TRIQK: variants seen among roughly 807,000 people sequenced by gnomAD.
The protein encoded by TRIQK is triple QxxK/R motif-containing protein.
In TRIQK, 10 loss-of-function variants were observed where a neutral mutation model predicts 10.8. The ratio of observed to expected loss-of-function variants is 0.92; its 90% confidence interval spans 0.57 to 1.57. The LOEUF is 1.57. Among genes scored for constraint, TRIQK ranks in the 40% most tolerant of loss-of-function variants. TRIQK has a pLI of 0.00. For missense variants in TRIQK, 107 were observed against 97.7 expected (o/e 1.09, Z -0.40); for synonymous variants, 33 against 33.7 (o/e 0.98, Z 0.07).
chr8:92,994,363 T>A (rs954943411), intron 1 of TRIQK, among the ~76,000 whole-genome samples: 1 of 151,866 alleles, frequency 6.6e-6, no homozygotes, highest in African/African-American at 2.4e-5. Flanking sequence ...ATATCCCTAG[T>A]GTCTATCTGC....
chr8:92,904,862 G>C (rs967805446), intron 3 of TRIQK, among the ~76,000 whole-genome samples: 1 of 152,066 alleles, frequency 6.6e-6, no homozygotes, highest in Non-Finnish European at 1.5e-5. Context: ...TTTTAAAAGA[G>C]GTTTGCTACC....
chr8:92,944,448 G>A (rs1811419188), intron 2 of TRIQK, among the ~76,000 whole-genome samples: 1 of 152,068 alleles, frequency 6.6e-6, no homozygotes, highest in African/African-American at 2.4e-5. Flanking sequence ...GCCAAGAGAT[G>A]AAATCAACCT....
chr8:92,906,874 C>T (rs998900226), intron 3 of TRIQK, among the ~76,000 whole-genome samples: 1 of 149,850 alleles, frequency 6.7e-6, no homozygotes, highest in Non-Finnish European at 1.5e-5. Context: ...GCCTGGGAGA[C>T]AGAGCGAGAC....
At chr8:92,958,740 C>T (rs1812299241) in intron 1 of TRIQK, among the ~76,000 whole-genome samples, 2 of 152,084 alleles carry the variant, frequency 1.3e-5, no homozygotes, top group African/African-American at 4.8e-5. Flanking sequence ...CTATGTCTTA[C>T]AATTCAGGTC....
Position 92,977,313 on chromosome 8 carries a change from G to A in TRIQK, c.-180-22749C>T, listed in dbSNP as rs202245824. On this transcript the variant is annotated intron_variant, in intron 1 of 4. Coordinates refer to the TRIQK transcript ENST00000520686. ...TTAATGACGTTCACTACTTTAAAGG[G>A]ACTTCAAATACATATGCATTAGGCT... 2.0e-5 allele frequency among the ~76,000 whole-genome samples: 3 copies of A among 151,970 alleles called. No homozygotes were observed. The East Asian group carries it at 5.8e-4, about 29-fold the overall frequency.
At chr8:92,933,551 A>G (rs1318768546) in intron 2 of TRIQK, among the ~76,000 whole-genome samples, 1 of 152,080 alleles carries the variant, frequency 6.6e-6, no homozygotes, top group Non-Finnish European at 1.5e-5. Context: ...GAAGCTGGCC[A>G]TGGGGTCTGT....
At chr8:92,911,481 G>C (rs1809563279) in intron 3 of TRIQK, among the ~76,000 whole-genome samples, 1 of 151,438 alleles carries the variant, frequency 6.6e-6, no homozygotes, top group East Asian at 1.9e-4. Context: ...AAAATATATA[G>C]AGTGTCTCAA....
intron 2 of TRIQK, among the ~76,000 whole-genome samples, chr8:92,948,378 T>C (rs953034831): frequency 3.9e-5 from 6 of 152,192 alleles, no homozygotes; most frequent in African/African-American, 1.2e-4. Flanking sequence ...ATTTAATCTC[T>C]AAGTATTTAA....
chr8:92,925,119 C>T (rs950653431), intron 2 of TRIQK, among the ~76,000 whole-genome samples: 1 of 152,048 alleles, frequency 6.6e-6, no homozygotes, highest in Non-Finnish European at 1.5e-5. Context: ...TGGGACTCAC[C>T]TTCCAGCCAA....
At chr8:92,895,803 G>A (rs182731158) in intron 3 of TRIQK, among the ~76,000 whole-genome samples, 1 of 152,210 alleles carries the variant, frequency 6.6e-6, no homozygotes, top group East Asian at 1.9e-4. Flanking sequence ...TTGTATGACT[G>A]CCTTTTACCT....
intron 3 of TRIQK, among the ~76,000 whole-genome samples, chr8:92,914,360 A>G (rs1809720550): frequency 6.6e-6 from 1 of 152,186 alleles, no homozygotes; most frequent in African/African-American, 2.4e-5. Context: ...AGAACATGCA[A>G]CTGAAGCAAA....
intron 1 of TRIQK, among the ~76,000 whole-genome samples, chr8:92,983,231 G>A (rs1056915977): frequency 3.6e-4 from 54 of 151,988 alleles, no homozygotes; most frequent in African/African-American, 1.2e-3. Context: ...TAGAAATAAT[G>A]TCACAGAAGA....
intron 1 of TRIQK, chr8:92,974,373 C>G (rs1350229900): frequency 6.6e-6 from 1 of 152,238 alleles, no homozygotes; most frequent in East Asian, 1.9e-4. Context: ...AAAATGAAGT[C>G]CAAGCTCTTC....
upstream of TRIQK, among the ~76,000 whole-genome samples, chr8:92,967,641 G>A (rs183204133): frequency 0.011 from 1,600 of 151,880 alleles, 18 homozygotes; most frequent in Non-Finnish European, 0.016. Flanking sequence ...GGCCAACATG[G>A]TGAAACCCCG....
At chr8:92,930,451 C>T (rs1416288852) in intron 2 of TRIQK, among the ~76,000 whole-genome samples, 1 of 144,984 alleles carries the variant, frequency 6.9e-6, no homozygotes, top group East Asian at 2.0e-4. Context: ...AATGAAACTG[C>T]AGACCCTGTT....
chr8:92,923,636 T>A (rs377549256), intron 2 of TRIQK, among the ~76,000 whole-genome samples: 2 of 152,064 alleles, frequency 1.3e-5, no homozygotes, highest in Non-Finnish European at 2.9e-5. Flanking sequence ...AAATGCTGAT[T>A]TTATTTAATA....
intron 1 of TRIQK, chr8:92,974,340 C>T (rs1202914166): frequency 6.6e-6 from 1 of 152,228 alleles, no homozygotes; most frequent in East Asian, 1.9e-4. Context: ...TCCAACAGCT[C>T]CCACCTCAAA....
upstream of TRIQK, among the ~76,000 whole-genome samples, chr8:92,968,589 T>C (rs1812840753): frequency 6.6e-6 from 1 of 152,230 alleles, no homozygotes; most frequent in Non-Finnish European, 1.5e-5. Context: ...ATTGGACGCA[T>C]AAATGTATTC....
chr8:93,009,411 A>G (rs1012337670), intron 1 of TRIQK, among the ~76,000 whole-genome samples: 1 of 152,158 alleles, frequency 6.6e-6, no homozygotes, highest in South Asian at 2.1e-4. Flanking sequence ...GGAGTTTGAG[A>G]CCAGCCTGGC....
Sources: allele counts gnomAD v4.1 joint callset (sites outside exome capture counted in the v4.1 genomes callset), GRCh38; gene constraint gnomAD v4.1.1; transcripts MANE v1.5; gene names NCBI Gene and HGNC (gene_info 2026-07-23, HGNC 2026-07-21).